PLD1: variants seen among roughly 807,000 people sequenced by gnomAD.
PLD1 encodes the protein choline phosphatase 1.
PLD1 carries 112 observed loss-of-function variants against 137.1 expected under a neutral mutation model. That is an observed-to-expected ratio of 0.82 (90% CI 0.70 to 0.96). The LOEUF is 0.96. Ranked by LOEUF, PLD1 falls within the 40% of genes least tolerant of loss-of-function variation. The pLI is 0.00. For synonymous variants in PLD1, 431 were observed against 454.7 expected (o/e 0.95, Z 0.66); for missense variants, 1,321 against 1,342.0 (o/e 0.98, Z 0.24).
At chr3:171,732,737 T>C (rs1023417033) in intron 6 of PLD1, among the ~76,000 whole-genome samples, 6 of 152,182 alleles carry the variant, frequency 3.9e-5, no homozygotes, top group African/African-American at 1.2e-4. Context: ...CGATAAACCA[T>C]GCATTCTCAG....
chr3:171,793,028 G>GCTACGGC, intron 1 of PLD1: 1 of 244,700 alleles, frequency 4.1e-6, no homozygotes, highest in Non-Finnish European at 8.1e-6. Flanking sequence ...GATCCACGTG[G>GCTACGGC]GAACACAAAC....
At chr3:171,770,697 C>G (rs535575259) in intron 1 of PLD1, among the ~76,000 whole-genome samples, 1 of 151,266 alleles carries the variant, frequency 6.6e-6, no homozygotes, top group Non-Finnish European at 1.5e-5. Flanking sequence ...GCCTGGGCAA[C>G]ATGGCAAAAC....
chr3:171,732,939 G>A (rs76804343), intron 6 of PLD1, among the ~76,000 whole-genome samples: 1,773 of 152,110 alleles, frequency 0.012, 35 homozygotes, highest in African/African-American at 0.041. Context: ...ATTCCTCAAG[G>A]GTTTTTTCTT....
intron 24 of PLD1, among the ~76,000 whole-genome samples, chr3:171,615,005 A>G (rs910394158): frequency 2.0e-5 from 3 of 152,226 alleles, no homozygotes; most frequent in Admixed American, 6.5e-5. Flanking sequence ...ACCACATTAA[A>G]TAAGTGTGTT....
chr3:171,709,618 G>C lies in PLD1; in HGVS notation c.1003C>G (p.Leu335Val), dbSNP rs761981958. 2 of 1,614,032 alleles carry C rather than the reference G, an allele frequency of 1.2e-6. No individual in the cohort carries two copies. The highest frequency in any genetic ancestry group is 1.1e-5 in the South Asian group (1 of 91,078). The change falls in exon 10 of 27, where the codon CTC becomes GTC. Residue 335 changes from leucine to valine, a missense_variant. Transcript: ENST00000351298. Reference sequence around the variant, plus strand: ...TATGACCCAAATCGATGATCTTTGAGAAAGTTGGTGCCATGTTTCTGGATG... The same window carrying C: ...TATGACCCAAATCGATGATCTTTGACAAAGTTGGTGCCATGTTTCTGGATG... ...EFIQKHGTNFLKDHRFGSYAA... is the reference protein window; with the variant it reads ...EFIQKHGTNFVKDHRFGSYAA...
chr3:171,693,394 T>G (rs1358220776), intron 12 of PLD1, among the ~76,000 whole-genome samples: 1 of 152,134 alleles, frequency 6.6e-6, no homozygotes, highest in African/African-American at 2.4e-5. Context: ...TTTTCCATTC[T>G]AGTTCTGGTT....
At chr3:171,736,700 C>G (rs1266276974) in intron 3 of PLD1, among the ~76,000 whole-genome samples, 1 of 152,050 alleles carries the variant, frequency 6.6e-6, no homozygotes, top group Non-Finnish European at 1.5e-5. Flanking sequence ...CAAAGCATGC[C>G]CTGACAGCTG....
chr3:171,683,490 C>A (rs1714221118), intron 16 of PLD1, among the ~76,000 whole-genome samples: 1 of 152,022 alleles, frequency 6.6e-6, no homozygotes. Context: ...ACCCCTCTAC[C>A]TCATGGCCTT....
chr3:171,680,654 C>T (rs1225256523), intron 16 of PLD1, among the ~76,000 whole-genome samples: 1 of 152,152 alleles, frequency 6.6e-6, no homozygotes, highest in Non-Finnish European at 1.5e-5. Flanking sequence ...TAGTTCCCTC[C>T]AGAACTTTAA....
At chr3:171,703,175 G>C (rs1258962284) in intron 11 of PLD1, among the ~76,000 whole-genome samples, 1 of 151,808 alleles carries the variant, frequency 6.6e-6, no homozygotes, top group African/African-American at 2.4e-5. Flanking sequence ...CAACAAATTA[G>C]AAATAGAAAA....
rs1002354252 is a variant in PLD1 at position 171,709,547 on chromosome 3, A to G, written c.1061+13T>C. ...ATGACTGCCTTGACAGGCTTAGAGA[A>G]ATAATAACTTACCATTTAGCTAAAG... On this transcript the variant is annotated intron_variant, in intron 10 of 26. Coordinates refer to ENST00000351298, the MANE Select transcript of PLD1 (RefSeq NM_002662.5). 2 of 1,612,278 alleles carry G rather than the reference A, an allele frequency of 1.2e-6. No individual in the cohort carries two copies. The highest frequency in any genetic ancestry group is 2.7e-5 in the African/African-American group (2 of 74,906).
At chr3:171,746,430 T>C (rs1238216309) in intron 1 of PLD1, among the ~76,000 whole-genome samples, 1 of 152,224 alleles carries the variant, frequency 6.6e-6, no homozygotes, top group Admixed American at 6.5e-5. Flanking sequence ...TAAAGGTTTG[T>C]AAACGCACCA....
intron 1 of PLD1, among the ~76,000 whole-genome samples, chr3:171,785,731 C>T (rs562369842): frequency 3.5e-4 from 53 of 152,266 alleles, no homozygotes; most frequent in African/African-American, 1.2e-3. Context: ...GCCACCACGC[C>T]CAGCCTCCAG....
Position 171,655,136 on chromosome 3 carries a change from C to A in PLD1, c.2429+4077G>T, listed in dbSNP as rs187020848. Reference sequence around the variant, plus strand: ...GCTGACTGCGGACTGTCATTTCCCTCCATCTGCTTTGGGCTGCATTCTATT... The same window carrying A: ...GCTGACTGCGGACTGTCATTTCCCTACATCTGCTTTGGGCTGCATTCTATT... On this transcript the variant is annotated intron_variant, in intron 21 of 26. Coordinates refer to ENST00000351298, the MANE Select transcript of PLD1 (RefSeq NM_002662.5). Among the ~76,000 whole-genome samples, 388 of 152,268 alleles carry A rather than the reference C, an allele frequency of 2.5e-3. 3 individuals carry two copies. Among genetic ancestry groups the A allele is most frequent in the Non-Finnish European group, 2.0e-3 (136 of 68,026 alleles).
intron 24 of PLD1, among the ~76,000 whole-genome samples, chr3:171,616,291 GA>G (rs1258882522): frequency 1.2e-4 from 18 of 152,076 alleles, no homozygotes; most frequent in African/African-American, 3.9e-4. Flanking sequence ...AGAAATTTCT[GA>G]ATTTTAATGC....
At chr3:171,801,066 A>C (rs1578486010) in intron 1 of PLD1, among the ~76,000 whole-genome samples, 1 of 152,366 alleles carries the variant, frequency 6.6e-6, no homozygotes, top group African/African-American at 2.4e-5. Context: ...ACATACAATC[A>C]TTATAAAAGC....
At chr3:171,799,748 C>A (rs980023026) in intron 1 of PLD1, among the ~76,000 whole-genome samples, 11 of 152,150 alleles carry the variant, frequency 7.2e-5, no homozygotes, top group African/African-American at 2.4e-4. Flanking sequence ...ATAGTATGTA[C>A]CCTTGATACG....
intron 6 of PLD1, among the ~76,000 whole-genome samples, chr3:171,729,046 G>A (rs2108248607): frequency 6.6e-6 from 1 of 152,270 alleles, no homozygotes; most frequent in Admixed American, 6.5e-5. Flanking sequence ...ATTTAACAAA[G>A]ATGATGTTGT....
chr3:171,704,962 T>C (rs1408326902), intron 11 of PLD1, among the ~76,000 whole-genome samples: 3 of 152,080 alleles, frequency 2.0e-5, no homozygotes, highest in African/African-American at 7.2e-5. Context: ...CACAATAGGG[T>C]TCATGTTCCC....
Sources: gnomAD v4.1 joint callset for allele counts (sites outside exome capture counted in the v4.1 genomes callset) on GRCh38, gnomAD v4.1.1 for gene constraint, MANE v1.5 for transcripts, NCBI Gene and HGNC (gene_info 2026-07-23, HGNC 2026-07-21) for gene names.